Variants in ADAMTS17 observed in about 807,000 individuals in gnomAD.
ADAMTS17 encodes A disintegrin and metalloproteinase with thrombospondin motifs 17.
Under a neutral mutation model 141.5 loss-of-function variants are expected in ADAMTS17, and 113 were observed. The ratio of observed to expected loss-of-function variants is 0.80; its 90% CI spans 0.69 to 0.93. The LOEUF is 0.93. Among genes scored for constraint, ADAMTS17 ranks in the 40% least tolerant of loss-of-function variants. The pLI is 0.00. For missense variants in ADAMTS17, 1,659 were observed against 1,517.9 expected (o/e 1.09, Z -1.54); for synonymous variants, 768 against 630.6 (o/e 1.22, Z -3.27).
intron 3 of ADAMTS17, among the ~76,000 whole-genome samples, chr15:100,317,546 C>T (rs190010242): frequency 3.9e-5 from 6 of 152,150 alleles, no homozygotes; most frequent in Admixed American, 6.5e-5. Flanking sequence ...CCAGATGAGC[C>T]GGTGGGGACA....
chr15:100,130,178 A>G (rs946985548), intron 12 of ADAMTS17, among the ~76,000 whole-genome samples: 6 of 152,126 alleles, frequency 3.9e-5, no homozygotes, highest in Non-Finnish European at 5.9e-5. Context: ...CAGCCTGGCA[A>G]CATGGCGAAA....
At chr15:100,060,103 G>C (rs935814409) in intron 15 of ADAMTS17, among the ~76,000 whole-genome samples, 1 of 152,216 alleles carries the variant, frequency 6.6e-6, no homozygotes, top group Non-Finnish European at 1.5e-5. Context: ...GTGAAGAACA[G>C]GGGACTCCCC....
intron 12 of ADAMTS17, among the ~76,000 whole-genome samples, chr15:100,122,807 T>A (rs1394585444): frequency 1.3e-5 from 2 of 152,156 alleles, no homozygotes; most frequent in South Asian, 4.1e-4. Context: ...CATCTTCACA[T>A]TGAGTTGGCT....
At chr15:100,178,942 C>A (rs1363653579) in intron 8 of ADAMTS17, among the ~76,000 whole-genome samples, 1 of 152,114 alleles carries the variant, frequency 6.6e-6, no homozygotes, top group Non-Finnish European at 1.5e-5. Context: ...AGAGGCAATA[C>A]ATTGTTCCCA....
At chr15:100,201,338 CCT>C (rs1491077064) in intron 7 of ADAMTS17, among the ~76,000 whole-genome samples, 2 of 151,998 alleles carry the variant, frequency 1.3e-5, no homozygotes, top group Admixed American at 1.3e-4. Context: ...TCCCCTCCCC[CCT>C]CTCTCCTGCT....
chr15:100,161,245 G>A (rs1320112323), intron 8 of ADAMTS17, among the ~76,000 whole-genome samples: 3 of 152,222 alleles, frequency 2.0e-5, no homozygotes, highest in African/African-American at 4.8e-5. Context: ...CCTGGCTTCC[G>A]AATCTCGCAG....
At chr15:100,066,618 G>A (rs565646999) in intron 15 of ADAMTS17, among the ~76,000 whole-genome samples, 1 of 152,152 alleles carries the variant, frequency 6.6e-6, no homozygotes, top group Admixed American at 6.5e-5. Context: ...TGGTGTTCTT[G>A]GGCATTTGAT....
chr15:100,317,461 A>G (rs2045600727), intron 3 of ADAMTS17, among the ~76,000 whole-genome samples: 2 of 152,138 alleles, frequency 1.3e-5, no homozygotes, highest in Non-Finnish European at 2.9e-5. Flanking sequence ...AAAGGAGCAG[A>G]GGGTCTGCTT....
At chr15:100,225,906 C>T (rs1292133752) in intron 7 of ADAMTS17, among the ~76,000 whole-genome samples, 1 of 148,512 alleles carries the variant, frequency 6.7e-6, no homozygotes, top group African/African-American at 2.6e-5. Flanking sequence ...GGTCTCTGTG[C>T]CATTCAGTCC....
At chr15:100,120,787 G>T (rs2037413196) in intron 12 of ADAMTS17, among the ~76,000 whole-genome samples, 2 of 152,214 alleles carry the variant, frequency 1.3e-5, no homozygotes, top group Admixed American at 6.5e-5. Flanking sequence ...TCTAAGATTT[G>T]AATGTCTAGT....
rs191873251 is a variant in ADAMTS17, at chr15:100,311,484, C to T, written c.616+19405G>A. ...AATAATAAACTATGAATTCTTGATC[C>T]GTCTGCAGCTCGAGGCAGATTTTCC... On this transcript the variant is annotated intron_variant, in intron 3 of 21. Coordinates refer to ENST00000268070, the MANE Select transcript of ADAMTS17 (RefSeq NM_139057.4). Among the ~76,000 whole-genome samples, 202 of 152,298 alleles carry T rather than the reference C, an allele frequency of 1.3e-3. 1 individual carries two copies. Among genetic ancestry groups the T allele is most frequent in the African/African-American group, 4.7e-3 (196 of 41,554 alleles).
At chr15:100,267,389 T>C (rs2043753158) in intron 4 of ADAMTS17, among the ~76,000 whole-genome samples, 1 of 152,244 alleles carries the variant, frequency 6.6e-6, no homozygotes, top group South Asian at 2.1e-4. Context: ...AATGGACACC[T>C]TGGCTGTTTT....
chr15:100,058,166 C>T (rs76023066), intron 15 of ADAMTS17, among the ~76,000 whole-genome samples: 1 of 146,002 alleles, frequency 6.8e-6, no homozygotes, highest in Non-Finnish European at 1.5e-5. Flanking sequence ...CAGCTCTAAC[C>T]CTCCTATCCC....
At chr15:100,133,091 T>C in intron 11 of ADAMTS17, 123 bp downstream of exon 11, 2 of 940,176 alleles carry the variant, frequency 2.1e-6, no homozygotes, top group East Asian at 5.3e-5. Context: ...TGGGCATTTC[T>C]GTGCCGCCTG....
intron 7 of ADAMTS17, among the ~76,000 whole-genome samples, chr15:100,217,890 A>C (rs2042017799): frequency 6.6e-6 from 1 of 152,214 alleles, no homozygotes; most frequent in South Asian, 2.1e-4. Flanking sequence ...GGAATGACTG[A>C]ATGATTGACT....
At position 100,308,341 on chromosome 15, in the gene ADAMTS17, A is replaced by C. The variant is rs74039258; in HGVS notation, c.616+22548T>G. Among the ~76,000 whole-genome samples, 108 of 152,342 alleles carry C rather than the reference A, an allele frequency of 7.1e-4. 1 individual carries two copies. Among genetic ancestry groups the C allele is most frequent in the African/African-American group, 2.5e-3 (105 of 41,584 alleles). ...CTGCTTGCCACAGACAACTGGAAGG[A>C]AAAAAGCAAAAGACGACAGTTGTAA... On this transcript the variant is annotated intron_variant, in intron 3 of 21. Coordinates refer to ENST00000268070, the MANE Select transcript of ADAMTS17 (RefSeq NM_139057.4).
chr15:100,106,771 G>T (rs899742033), intron 14 of ADAMTS17, among the ~76,000 whole-genome samples: 1 of 152,190 alleles, frequency 6.6e-6, no homozygotes, highest in African/African-American at 2.4e-5. Context: ...GTGTAATTTG[G>T]GTCGGACACC....
intron 6 of ADAMTS17, among the ~76,000 whole-genome samples, chr15:100,260,808 C>A (rs990477047): frequency 1.3e-5 from 2 of 152,022 alleles, no homozygotes; most frequent in Non-Finnish European, 2.9e-5. Flanking sequence ...CATTAAAATT[C>A]AAAGTTGACA....
intron 15 of ADAMTS17, among the ~76,000 whole-genome samples, chr15:100,090,844 AAAT>A (rs1235826900): frequency 7.4e-6 from 1 of 135,170 alleles, no homozygotes; most frequent in Non-Finnish European, 1.7e-5. Flanking sequence ...CATCTCTACT[AAAT>A]AATACAAAAA....
Sources: allele counts gnomAD v4.1 joint callset (sites outside exome capture counted in the v4.1 genomes callset), GRCh38; gene constraint gnomAD v4.1.1; transcripts MANE v1.5; gene names NCBI Gene and HGNC (gene_info 2026-07-23, HGNC 2026-07-21).